Variants in NUAK1 observed in about 807,000 individuals in gnomAD.
NUAK1 encodes the protein NUAK family SNF1-like kinase 1.
Under a neutral mutation model 56.9 loss-of-function variants are expected in NUAK1, and 26 were observed. The observed-to-expected ratio is 0.46, with a 90% confidence interval of 0.33 to 0.63. The LOEUF (loss-of-function observed/expected upper bound fraction) is 0.63. Among genes scored for constraint, NUAK1 ranks in the 30% least tolerant of loss-of-function variants. NUAK1 has a pLI of 0.02. For missense variants in NUAK1, 727 were observed against 876.1 expected (o/e 0.83, Z 2.15); for synonymous variants, 337 against 336.0 (o/e 1.00, Z -0.03).
At chr12:106,082,715 A>C (rs1705700244) in intron 4 of NUAK1, among the ~76,000 whole-genome samples, 1 of 152,200 alleles carries the variant, frequency 6.6e-6, no homozygotes, top group Non-Finnish European at 1.5e-5. Flanking sequence ...CATGGCTTCC[A>C]GGGGCCTCTC....
intron 1 of NUAK1, among the ~76,000 whole-genome samples, chr12:106,137,035 T>C (rs182988719): frequency 7.8e-4 from 118 of 151,286 alleles, no homozygotes; most frequent in African/African-American, 2.8e-3. Flanking sequence ...GTACGCCATC[T>C]CAAATTTCCA....
chr12:106,119,517 C>T (rs755250832), intron 1 of NUAK1, among the ~76,000 whole-genome samples: 8 of 152,076 alleles, frequency 5.3e-5, no homozygotes, highest in African/African-American at 1.2e-4. Context: ...AACACAATTA[C>T]GAGGAAAGCT....
intron 1 of NUAK1, among the ~76,000 whole-genome samples, chr12:106,124,996 C>CAATA (rs55900706): frequency 0.14 from 21,156 of 147,000 alleles, 1,878 homozygotes; most frequent in African/African-American, 0.25. Flanking sequence ...GACTCCATCT[C>CAATA]AATAAATAAA....
intron 3 of NUAK1, among the ~76,000 whole-genome samples, chr12:106,085,895 A>G (rs1284022909): frequency 1.3e-5 from 2 of 152,102 alleles, no homozygotes; most frequent in East Asian, 3.9e-4. Flanking sequence ...AATTTTAAAG[A>G]TGGATCTTGC....
intron 4 of NUAK1, among the ~76,000 whole-genome samples, chr12:106,079,530 C>G (rs2032495228): frequency 6.6e-6 from 1 of 152,104 alleles, no homozygotes; most frequent in African/African-American, 2.4e-5. Flanking sequence ...AAAGAAGGAG[C>G]AGGCAAAAAG....
In NUAK1 at chr12:106,067,848, CGCT is replaced by C. The variant is rs1565917685; in HGVS notation, c.937_939del (p.Ser313del). 6.2e-7 allele frequency: 1 copy of C among 1,614,212 alleles called. No homozygotes were observed. Among genetic ancestry groups the C allele is most frequent in the Admixed American group, 1.7e-5 (1 of 60,030 alleles). ...TCATGGAGGGCATCACAGTCACACACGCTGCTCTTATAGCCCCAGTTCACCCAC... is the reference window on the plus strand; with the variant it reads ...TCATGGAGGGCATCACAGTCACACACGCTCTTATAGCCCCAGTTCACCCAC... On this transcript the variant is annotated inframe_deletion, in exon 7 of 7. Coordinates refer to ENST00000261402, the MANE Select transcript of NUAK1 (RefSeq NM_014840.3). This position sits in a 1 kb window ranked among gnomAD's most constrained non-coding sequence, Gnocchi z 6.0.
chr12:106,112,880 G>C lies in NUAK1; in HGVS notation c.241-6355C>G, dbSNP rs890359697. ...CATCAGCCCTTTAATGTTGTAAGAG[G>C]TTCTGAAAATTTAATCCTCTGTAAC... is the stretch of plus-strand genomic sequence containing the variant. On this transcript the variant is annotated intron_variant, in intron 1 of 6. Coordinates refer to ENST00000261402, the MANE Select transcript of NUAK1 (RefSeq NM_014840.3). 2.0e-5 allele frequency among the ~76,000 whole-genome samples: 3 copies of C among 152,138 alleles called. No individual in the cohort carries two copies. The East Asian group carries it at 5.8e-4, about 29-fold the overall frequency.
intron 1 of NUAK1, among the ~76,000 whole-genome samples, chr12:106,130,557 C>T (rs1473420146): frequency 6.6e-6 from 1 of 152,212 alleles, no homozygotes; most frequent in African/African-American, 2.4e-5. Context: ...AGAGTATTGA[C>T]AAGTGGTAGC....
chr12:106,103,865 C>G (rs1005313195), intron 2 of NUAK1, among the ~76,000 whole-genome samples: 15 of 152,252 alleles, frequency 9.9e-5, no homozygotes, highest in Middle Eastern at 3.4e-3. Context: ...CTTATCCTTC[C>G]TCTGTCCATG....
At chr12:106,119,838 T>C (rs746554101) in intron 1 of NUAK1, among the ~76,000 whole-genome samples, 2 of 152,136 alleles carry the variant, frequency 1.3e-5, no homozygotes, top group Non-Finnish European at 2.9e-5. Context: ...CTCAAACTCA[T>C]CAAGAAAAAG....
chr12:106,085,189 T>C (rs913964330), intron 3 of NUAK1, among the ~76,000 whole-genome samples: 1 of 152,214 alleles, frequency 6.6e-6, no homozygotes, highest in Non-Finnish European at 1.5e-5. Context: ...TGTAATAAGA[T>C]GGAATGAGTC....
intron 4 of NUAK1, among the ~76,000 whole-genome samples, chr12:106,078,431 A>G (rs906616382): frequency 1.3e-5 from 2 of 152,254 alleles, no homozygotes; most frequent in Non-Finnish European, 2.9e-5. Context: ...ATCGGTGAAC[A>G]GCTGCCTTAG....
At chr12:106,075,849 AAG>A (rs930727747) in intron 4 of NUAK1, among the ~76,000 whole-genome samples, 1 of 152,268 alleles carries the variant, frequency 6.6e-6, no homozygotes, top group Non-Finnish European at 1.5e-5. Flanking sequence ...GCATTTATCA[AAG>A]AGACCAGGCC....
At chr12:106,092,544 C>G (rs2032646340) in intron 2 of NUAK1, among the ~76,000 whole-genome samples, 1 of 151,942 alleles carries the variant, frequency 6.6e-6, no homozygotes, top group South Asian at 2.1e-4. Context: ...GTCATTAATT[C>G]AACATGTTTG....
intron 5 of NUAK1, among the ~76,000 whole-genome samples, chr12:106,071,815 T>C (rs1341499772): frequency 1.3e-5 from 2 of 152,202 alleles, no homozygotes; most frequent in East Asian, 3.8e-4. Flanking sequence ...AAAGACTTTC[T>C]CTTCATTGCA....
At chr12:106,105,285 T>C (rs987445751) in intron 2 of NUAK1, among the ~76,000 whole-genome samples, 4 of 152,156 alleles carry the variant, frequency 2.6e-5, no homozygotes, top group African/African-American at 2.4e-5. Flanking sequence ...TATTTTTAAA[T>C]ATTCTAGGGA....
intron 4 of NUAK1, among the ~76,000 whole-genome samples, chr12:106,081,121 C>G (rs999981318): frequency 2.6e-5 from 4 of 152,210 alleles, no homozygotes; most frequent in Non-Finnish European, 4.4e-5. Context: ...CCTGGCTCAT[C>G]ATTCCTTTAT....
chr12:106,120,848 GCAAGGTCC>G (rs1414558916), intron 1 of NUAK1, among the ~76,000 whole-genome samples: 1 of 152,184 alleles, frequency 6.6e-6, no homozygotes, highest in African/African-American at 2.4e-5. Context: ...CTTCCTGTAA[GCAAGGTCC>G]CATCTTGACC....
At position 106,067,461 on chromosome 12, in the gene NUAK1, G is replaced by A. The variant is rs1458873105; in HGVS notation, c.1327C>T (p.Pro443Ser). 1 of 1,614,184 alleles carries A rather than the reference G, an allele frequency of 6.2e-7. No individual in the cohort carries two copies. Residue 443 changes from proline to serine, a missense_variant, in exon 7 of 7, where the codon CCA becomes TCA. Coordinates refer to ENST00000261402, the MANE Select transcript of NUAK1 (RefSeq NM_014840.3). This position sits in a 1 kb window ranked among gnomAD's most constrained non-coding sequence, Gnocchi z 6.0. ...GGCACCTCTGCCTCTGGTGAGCTTG[G>A]GAGGAGCACGCCAGTCCTGCACAAG... The part of the protein sequence containing the change: ...QDLCRTGVLL[P>S]SSPEAEVPGK...
Sources: gnomAD v4.1 joint callset for allele counts (sites outside exome capture counted in the v4.1 genomes callset) on GRCh38, gnomAD v4.1.1 for gene constraint, Gnocchi (gnomAD v3.1) non-coding constraint, MANE v1.5 for transcripts, NCBI Gene and HGNC (gene_info 2026-07-23, HGNC 2026-07-21) for gene names.